Variants in XPO1 observed in about 807,000 individuals in gnomAD.
XPO1 encodes the protein exportin 1, also known as exportin-1.
Under a neutral mutation model 133.3 loss-of-function variants are expected in XPO1, and 5 were observed. The observed-to-expected ratio is 0.04, with a 90% CI of 0.02 to 0.08. The LOEUF is 0.08. Ranked by LOEUF, XPO1 falls within the 10% of genes least tolerant of loss-of-function variation. The pLI is 1.00. For missense variants in XPO1, 506 were observed against 1,267.5 expected (o/e 0.40, Z 9.12); for synonymous variants, 419 against 408.2 (o/e 1.03, Z -0.32).
chr2:61,481,319 T>C (rs537303836), intron 23 of XPO1, 38 bp from the exon 24 acceptor site: 2 of 1,526,912 alleles, frequency 1.3e-6, no homozygotes, highest in African/African-American at 1.4e-5. Context: ...AATGATTTAT[T>C]TTTCCCCCGA....
rs557795098 is a variant in XPO1 at position 61,480,633 on chromosome 2, A to C, written c.3069+552T>G. The C allele has an allele frequency of 7.2e-5, 11 of 152,304 alleles. No homozygotes were observed. In the East Asian group the frequency reaches 2.1e-3, roughly 29 times the overall value. The allele number at this position is 152,304 out of a possible 1,614,324, so 9.4% of individuals were successfully genotyped here. A position where few individuals can be genotyped will look rare whatever the true frequency, so the allele number is the denominator to read the frequency against. On this transcript the variant is annotated intron_variant, in intron 24 of 24. Transcript: ENST00000401558. ...ATTGGCTAATATTTTTACAGTAAAA[A>C]AAAAAAACCTTTGTATTTTGGAGAA...
rs555331450 is a variant in XPO1, at chr2:61,519,310, A to G, written c.301+3301T>C. Among the ~76,000 whole-genome samples, 13 of 152,274 alleles carry G rather than the reference A, an allele frequency of 8.5e-5. No homozygotes were observed. In the South Asian group the frequency reaches 2.5e-3, roughly 29 times the overall value. ...CCACTGGTACAGGATACAGTAACGT[A>G]TAACACAGCAAGAGACATCTAACCC... is the stretch of plus-strand genomic sequence containing the variant. On this transcript the variant is annotated intron_variant, in intron 4 of 24. Transcript: ENST00000401558.
chr2:61,489,232 GGA>G (rs1696846278), intron 17 of XPO1, among the ~76,000 whole-genome samples: 1 of 151,986 alleles, frequency 6.6e-6, no homozygotes, highest in Admixed American at 6.6e-5. Context: ...TGACCAACAT[GGA>G]GAAACCCTGT....
rs1248033259 is a variant in XPO1, at chr2:61,478,430, AAT to A, written c.*388_*389del. 7.5e-6 allele frequency: 2 copies of A among 267,342 alleles called. No homozygotes were observed. The highest frequency in any genetic ancestry group is 4.4e-5 in the African/African-American group (2 of 45,700). 16.6% of individuals were successfully genotyped at this position (267,342 alleles called of 1,614,324 possible). On this transcript the variant is annotated 3_prime_UTR_variant, in exon 25 of 25. Transcript: ENST00000401558. ...CTCATTATCTTTTCTTCTAGGCTGA[AAT>A]AGACTAGAAGGAAAATGCTCCCTAA...
chr2:61,520,462 G>C (rs1034731508), intron 4 of XPO1, among the ~76,000 whole-genome samples: 1 of 151,764 alleles, frequency 6.6e-6, no homozygotes, highest in African/African-American at 2.4e-5. Flanking sequence ...GGGCAACACA[G>C]CGAGACACCA....
chr2:61,500,530 G>A (rs1366046820), intron 6 of XPO1, among the ~76,000 whole-genome samples: 2 of 140,468 alleles, frequency 1.4e-5, no homozygotes, highest in Non-Finnish European at 3.0e-5. Context: ...AGTGAGCCGA[G>A]ACCAGGCCAC....
At chr2:61,526,705 A>C (rs1698917444) in intron 2 of XPO1, among the ~76,000 whole-genome samples, 184 bp from the exon 3 acceptor site, 1 of 126,040 alleles carries the variant, frequency 7.9e-6, no homozygotes, top group South Asian at 2.9e-4. Flanking sequence ...TATGACTCCC[A>C]ATTTTTTTTT....
rs1405950068 is a variant in XPO1 at position 61,533,788 on chromosome 2, T to C, written c.110A>G (p.His37Arg). 1 of 1,591,530 alleles carries C rather than the reference T, an allele frequency of 6.3e-7. No homozygotes were observed. Among genetic ancestry groups the C allele is most frequent in the Non-Finnish European group, 8.5e-7 (1 of 1,170,840 alleles). ...LLDNVVNCLYHGEGAQQRMAQ... is the reference protein window; with the variant it reads ...LLDNVVNCLYRGEGAQQRMAQ... ...CTACTTTACCTGGGCTCCTTCTCCA[T>C]GGTATAAGCAATTCACCACATTATC... Residue 37 changes from histidine (H) to arginine (R), a missense_variant, in exon 2 of 25, where the codon CAT becomes CGT. By Grantham distance (29) the His-to-Arg change is conservative. Transcript: ENST00000401558.
At chr2:61,532,590 C>T (rs1260485864) in intron 2 of XPO1, among the ~76,000 whole-genome samples, 1 of 151,782 alleles carries the variant, frequency 6.6e-6, no homozygotes, top group Non-Finnish European at 1.5e-5. Flanking sequence ...GTCATCTCCA[C>T]ACTTTGGGAG....
chr2:61,499,602 A>G (rs1697406604), intron 7 of XPO1, 111 bp downstream of exon 7: 2 of 1,079,278 alleles, frequency 1.9e-6, no homozygotes, highest in African/African-American at 3.3e-5. Flanking sequence ...ACTACAAGCA[A>G]TTTAACATAT....
chr2:61,495,854 G>A (rs545085613), intron 10 of XPO1, among the ~76,000 whole-genome samples: 1 of 152,112 alleles, frequency 6.6e-6, no homozygotes, highest in East Asian at 1.9e-4. Context: ...CATTTTTGTA[G>A]AGACGGTATC....
intron 19 of XPO1, among the ~76,000 whole-genome samples, chr2:61,487,569 C>T (rs1696758208): frequency 6.6e-6 from 1 of 151,766 alleles, no homozygotes; most frequent in African/African-American, 2.4e-5. Flanking sequence ...CAACACTATT[C>T]CAAGTAATAG....
Position 61,515,556 on chromosome 2 carries a change from G to A in XPO1, c.301+7055C>T, listed in dbSNP as rs61062599. Among the ~76,000 whole-genome samples, 347 of 152,286 alleles carry A rather than the reference G, an allele frequency of 2.3e-3. 2 individuals carry two copies. The highest frequency in any genetic ancestry group is 6.8e-3 in the African/African-American group (281 of 41,550). ...GTAACCCACTACTTACTCATACTCA[G>A]CATATGTAAGCACAGGGCTTCCTAT... On this transcript the variant is annotated intron_variant, in intron 4 of 24. Coordinates refer to ENST00000401558, the MANE Select transcript of XPO1 (RefSeq NM_003400.4).
chr2:61,522,256 T>C (rs1249179353), intron 4 of XPO1, among the ~76,000 whole-genome samples: 1 of 152,158 alleles, frequency 6.6e-6, no homozygotes, highest in African/African-American at 2.4e-5. Context: ...GAGGTCTTGC[T>C]ATACTGCCTA....
chr2:61,500,793 C>T (rs778129759), intron 6 of XPO1, among the ~76,000 whole-genome samples: 1 of 151,808 alleles, frequency 6.6e-6, no homozygotes, highest in Non-Finnish European at 1.5e-5. Flanking sequence ...AGCGACACTC[C>T]ATTTCAAACA....
At chr2:61,534,026 T>C in intron 1 of XPO1, 123 bp from the exon 2 acceptor site, 1 of 1,011,522 alleles carries the variant, frequency 9.9e-7, no homozygotes, top group Non-Finnish European at 1.3e-6. Context: ...TTAGAGACTT[T>C]AATTACAGAA....
intron 9 of XPO1, 122 bp downstream of exon 9, chr2:61,498,551 G>A (rs1363570022): frequency 5.5e-6 from 7 of 1,282,986 alleles, no homozygotes. Context: ...TTTCTCCTGA[G>A]CAGCGTCCTC....
At chr2:61,485,693 C>A (rs1696659236) in intron 20 of XPO1, 75 bp downstream of exon 20, 1 of 1,208,396 alleles carries the variant, frequency 8.3e-7, no homozygotes, top group Non-Finnish European at 1.2e-6. Context: ...GTTATATCCA[C>A]AGACATACTT....
intron 2 of XPO1, among the ~76,000 whole-genome samples, chr2:61,528,709 G>T (rs1293830413): frequency 1.5e-5 from 2 of 131,928 alleles, no homozygotes; most frequent in Non-Finnish European, 3.2e-5. Context: ...CAGTTTTTAA[G>T]ATCCAGCCAT....
Sources: gnomAD v4.1 joint callset for allele counts (sites outside exome capture counted in the v4.1 genomes callset) on GRCh38, gnomAD v4.1.1 for gene constraint, MANE v1.5 for transcripts, NCBI Gene and HGNC (gene_info 2026-07-23, HGNC 2026-07-21) for gene names.